Variants in RALY observed in about 807,000 individuals in gnomAD.
RALY encodes RALY heterogeneous nuclear ribonucleoprotein.
In RALY, 15 loss-of-function variants were observed where a neutral mutation model predicts 30.7. The observed-to-expected ratio is 0.49, with a 90% CI of 0.33 to 0.75. RALY has a LOEUF of 0.75. Ranked by LOEUF, RALY falls within the 30% of genes least tolerant of loss-of-function variation. The pLI, the probability that RALY is intolerant of heterozygous loss-of-function variation, is 0.02. For synonymous variants in RALY, 177 were observed against 170.8 expected, an observed-to-expected ratio of 1.04 and a Z score of -0.28; for missense variants, 339 against 414.3, an observed-to-expected ratio of 0.82 and a Z score of 1.58.
chr20:34,056,693 A>T (rs891122046), intron 2 of RALY, among the ~76,000 whole-genome samples: 7 of 152,240 alleles, frequency 4.6e-5, no homozygotes. Flanking sequence ...CTTCACATGT[A>T]CATGAAAACA....
intron 2 of RALY, among the ~76,000 whole-genome samples, chr20:34,052,465 C>T (rs1183065499): frequency 1.3e-5 from 2 of 152,104 alleles, no homozygotes; most frequent in Admixed American, 6.5e-5. Context: ...TTTCCTAGGC[C>T]ACACCATAAT....
chr20:34,007,215 T>C (rs966297566), intron 1 of RALY, among the ~76,000 whole-genome samples: 2 of 152,190 alleles, frequency 1.3e-5, no homozygotes, highest in African/African-American at 4.8e-5. Flanking sequence ...AACCACTCTG[T>C]GAGCTTAGGC....
At chr20:34,025,355 G>C (rs1568662257) in intron 1 of RALY, among the ~76,000 whole-genome samples, 2 of 151,448 alleles carry the variant, frequency 1.3e-5, no homozygotes, top group South Asian at 4.2e-4. Context: ...AGGCTGGAGT[G>C]CAGTAGTGCA....
At chr20:33,998,262 T>C (rs1239020292) in intron 1 of RALY, among the ~76,000 whole-genome samples, 1 of 152,160 alleles carries the variant, frequency 6.6e-6, no homozygotes, top group African/African-American at 2.4e-5. Flanking sequence ...AAATGATGCC[T>C]AACCCAGCAT....
rs1465942856 is a variant in RALY at position 34,075,916 on chromosome 20, C to G, written c.420C>G (p.Pro140=). Residue 140 remains proline, a synonymous_variant, in exon 6 of 10, where the codon CCC becomes CCG. Transcript: ENST00000246194. ...GCCGTCTGTCGCCCGTGCCAGTGCC[C>G]AGGGCGGTCCCTGTGAAGCGACCCC... The part of the protein sequence containing the change: ...YRGRLSPVPV[P]RAVPVKRPRV... The G allele has an allele frequency of 3.7e-6, 6 of 1,614,052 alleles. No individual in the cohort carries two copies. The highest frequency in any genetic ancestry group is 4.2e-6 in the Non-Finnish European group (5 of 1,180,022).
chr20:34,003,846 A>G (rs1048782172), intron 1 of RALY, among the ~76,000 whole-genome samples: 11 of 151,920 alleles, frequency 7.2e-5, no homozygotes, highest in African/African-American at 2.7e-4. Context: ...TCACCGTTTT[A>G]GCCGGGATGG....
At chr20:34,028,501 G>A (rs1435022388) in intron 1 of RALY, among the ~76,000 whole-genome samples, 1 of 151,460 alleles carries the variant, frequency 6.6e-6, no homozygotes, top group Non-Finnish European at 1.5e-5. Context: ...TCAGGAGATC[G>A]AGACCATCCT....
intron 1 of RALY, among the ~76,000 whole-genome samples, chr20:34,006,717 A>T (rs2031174859): frequency 6.6e-6 from 1 of 152,202 alleles, no homozygotes; most frequent in African/African-American, 2.4e-5. Context: ...CAACACAGTA[A>T]CATGCTGTAT....
chr20:34,020,688 C>G (rs1601422753), intron 1 of RALY, among the ~76,000 whole-genome samples: 1 of 152,364 alleles, frequency 6.6e-6, no homozygotes, highest in East Asian at 1.9e-4. Flanking sequence ...TGCTTTTGCA[C>G]TACAGTGGCA....
chr20:34,076,993 T>A, intron 7 of RALY, 35 bp from the exon 8 acceptor site: 2 of 1,609,928 alleles, frequency 1.2e-6, no homozygotes, highest in Admixed American at 1.7e-5. Context: ...CCAGGCTGAG[T>A]TTTATTCTCC....
chr20:34,009,118 A>G (rs985967457), intron 1 of RALY, among the ~76,000 whole-genome samples: 5 of 152,136 alleles, frequency 3.3e-5, no homozygotes, highest in Non-Finnish European at 7.3e-5. Context: ...AGCAGAGGCT[A>G]GAGCCTGACG....
chr20:34,079,672 G>C (rs1248665756), intron 9 of RALY, among the ~76,000 whole-genome samples: 1 of 152,164 alleles, frequency 6.6e-6, no homozygotes, highest in Non-Finnish European at 1.5e-5. Context: ...GCTTTCCAAA[G>C]CTTGTTAAAA....
intron 1 of RALY, among the ~76,000 whole-genome samples, chr20:34,023,544 T>A (rs925623876): frequency 6.6e-6 from 1 of 152,080 alleles, no homozygotes; most frequent in Non-Finnish European, 1.5e-5. Flanking sequence ...TGGGGAGGCC[T>A]GTCCTTGGAT....
At position 34,053,383 on chromosome 20, in the gene RALY, A is replaced by ATTTTTTTTTTTTTTTT. The variant is rs60912814; in HGVS notation, c.-9-18666_-9-18651dup. On this transcript the variant is annotated intron_variant, in intron 2 of 9. Transcript: ENST00000246194. ...GCCAACATTTAGTAGATGTTCAATA[A>ATTTTTTTTTTTTTTTT]TTTTTTTTTTTTTTTTTTTTTTTTT... Among the ~76,000 whole-genome samples the ATTTTTTTTTTTTTTTT allele has an allele frequency of 7.0e-4, 38 of 54,142 alleles. 8 individuals are homozygous for ATTTTTTTTTTTTTTTT. The highest frequency in any genetic ancestry group is 1.4e-3 in the East Asian group (2 of 1,402). 35.5% of individuals were successfully genotyped at this position (54,142 alleles called of 152,430 possible).
At chr20:34,066,169 C>CTTTTTTTTTTTTTTT (rs200689368) in intron 2 of RALY, among the ~76,000 whole-genome samples, 1 of 126,522 alleles carries the variant, frequency 7.9e-6, no homozygotes, top group East Asian at 2.2e-4. Flanking sequence ...TGCTGATCCT[C>CTTTTTTTTTTTTTTT]TTTTTTTTTT....
intron 1 of RALY, among the ~76,000 whole-genome samples, chr20:33,995,331 C>T (rs1317351137): frequency 6.6e-6 from 1 of 152,126 alleles, no homozygotes; most frequent in East Asian, 1.9e-4. Flanking sequence ...TGGGATCCAC[C>T]CTTTAGTTTG....
At position 34,084,222 on chromosome 20, in the gene RALY, T is replaced by A. The variant is rs1444269349; in HGVS notation, c.*4317T>A. ...CTGTAGTCCCCGCTACTTGGGGGAC[T>A]ACAGTGGGAGATCATTTGCACCTAG... is the stretch of plus-strand genomic sequence containing the variant. On this transcript the variant is annotated 3_prime_UTR_variant, in exon 10 of 10. Coordinates refer to ENST00000246194, the MANE Select transcript of RALY (RefSeq NM_016732.3). The A allele has an allele frequency of 6.6e-6, 1 of 152,096 alleles. No individual in the cohort carries two copies. Among genetic ancestry groups the A allele is most frequent in the African/African-American group, 2.4e-5 (1 of 41,400 alleles). The allele number at this position is 152,096 out of a possible 1,614,324, so 9.4% of individuals were successfully genotyped here.
chr20:34,061,296 C>T (rs1490225807), intron 2 of RALY, among the ~76,000 whole-genome samples: 1 of 152,102 alleles, frequency 6.6e-6, no homozygotes, highest in Non-Finnish European at 1.5e-5. Flanking sequence ...CCTTAGTCTC[C>T]CTATCCCCTT....
At chr20:34,006,837 GA>G (rs2031180703) in intron 1 of RALY, among the ~76,000 whole-genome samples, 1 of 152,166 alleles carries the variant, frequency 6.6e-6, no homozygotes, top group Non-Finnish European at 1.5e-5. Context: ...GCACAGGGAT[GA>G]AATCGCCTAA....
Sources: allele counts gnomAD v4.1 joint callset (sites outside exome capture counted in the v4.1 genomes callset), GRCh38; gene constraint gnomAD v4.1.1; transcripts MANE v1.5; gene names NCBI Gene and HGNC (gene_info 2026-07-23, HGNC 2026-07-21).